RBCK1: variants seen among roughly 807,000 people sequenced by gnomAD.
The protein encoded by RBCK1 is RANBP2-type and C3HC4-type zinc finger containing 1, also known as ranBP-type and C3HC4-type zinc finger-containing protein 1.
A neutral mutation model predicts 71.1 loss-of-function variants in RBCK1; 44 were observed. The observed-to-expected ratio is 0.62, with a 90% CI of 0.49 to 0.80. The LOEUF (loss-of-function observed/expected upper bound fraction) is 0.80, where lower values mean the gene tolerates loss of function less well. Ranked by LOEUF, RBCK1 falls within the 30% of genes least tolerant of loss-of-function variation. The pLI is 0.00. For missense variants in RBCK1, 569 were observed against 685.0 expected (o/e 0.83, Z 1.89); for synonymous variants, 306 against 279.7 (o/e 1.09, Z -0.94).
chr20:431,202 AGTGTGTCAAGTC>A lies in RBCK1; in HGVS notation c.*773_*784del, dbSNP rs2017002382. On this transcript the variant is annotated 3_prime_UTR_variant, in exon 12 of 12. Transcript: ENST00000356286. This position sits in a 1 kb window ranked among gnomAD's most constrained non-coding sequence, Gnocchi z 4.8. ...GTCAGCCAGGACAGGTGGAGTGTGC[AGTGTGTCAAGTC>A]TGCAGAGAAGGATGGGCTTAGGGGC... Among the ~76,000 whole-genome samples the A allele has an allele frequency of 2.0e-5, 3 of 152,114 alleles. No individual in the cohort carries two copies. Among genetic ancestry groups the A allele is most frequent in the Non-Finnish European group, 4.4e-5 (3 of 68,012 alleles).
Position 428,143 on chromosome 20 carries a change from C to T in RBCK1, c.1210-348C>T, listed in dbSNP as rs1356609806. 6.6e-6 allele frequency among the ~76,000 whole-genome samples: 1 copy of T among 152,202 alleles called. No individual in the cohort carries two copies. Among genetic ancestry groups the T allele is most frequent in the East Asian group, 1.9e-4 (1 of 5,188 alleles). On this transcript the variant is annotated intron_variant, in intron 9 of 11. Transcript: ENST00000356286. The surrounding 1 kb of genome is among the most constrained non-coding windows in gnomAD (Gnocchi z 5.7). Reference sequence around the variant, plus strand: ...TCTGGGGTCATTGGGCCTGTAACCCCGGGCAGGCCCTTGTTAGGGATGCAG... The same window carrying T: ...TCTGGGGTCATTGGGCCTGTAACCCTGGGCAGGCCCTTGTTAGGGATGCAG...
At chr20:412,737 T>C (rs1243468316) in intron 2 of RBCK1, among the ~76,000 whole-genome samples, 1 of 152,268 alleles carries the variant, frequency 6.6e-6, no homozygotes, top group Non-Finnish European at 1.5e-5. Context: ...TTCTGTGGAT[T>C]GTCTTCTCAC....
At chr20:421,341 G>C (rs899522652) in intron 7 of RBCK1, among the ~76,000 whole-genome samples, 5 of 152,122 alleles carry the variant, frequency 3.3e-5, no homozygotes, top group African/African-American at 7.2e-5. Flanking sequence ...GCCTCGCTGT[G>C]GGCATCTGCC....
At chr20:426,289 A>G (rs2016709930) in intron 8 of RBCK1, among the ~76,000 whole-genome samples, 1 of 150,852 alleles carries the variant, frequency 6.6e-6, no homozygotes, top group Non-Finnish European at 1.5e-5. Flanking sequence ...TGTGCTATCA[A>G]ATACTAGGTC....
chr20:430,502 T>G lies in RBCK1; in HGVS notation c.*72T>G. ...TCTGTTAGAATGTAGCTCAGGGAGCTTCGTGGACGGCCTTGCTTGCTGTAG... is the reference window on the plus strand; with the variant it reads ...TCTGTTAGAATGTAGCTCAGGGAGCGTCGTGGACGGCCTTGCTTGCTGTAG... On this transcript the variant is annotated 3_prime_UTR_variant, in exon 12 of 12. Transcript: ENST00000356286. The surrounding 1 kb of genome is among the most constrained non-coding windows in gnomAD (Gnocchi z 5.6). 1 of 1,479,256 alleles carries G rather than the reference T, an allele frequency of 6.8e-7. No homozygotes were observed. The highest frequency in any genetic ancestry group is 9.4e-7 in the Non-Finnish European group (1 of 1,061,052). 91.6% of individuals were successfully genotyped at this position (1,479,256 alleles called of 1,614,324 possible).
chr20:430,272 C>T lies in RBCK1; in HGVS notation c.1453-78C>T, dbSNP rs761973251. On this transcript the variant is annotated intron_variant, in intron 11 of 11. Transcript: ENST00000356286. The surrounding 1 kb of genome is among the most constrained non-coding windows in gnomAD (Gnocchi z 5.6). ...AGGAGGACCTGCAGAGGCAAAGGCC[C>T]GGGGTGGGAGAGCGCTCGGCTGTGG... 9.0e-6 allele frequency: 12 copies of T among 1,328,244 alleles called. No individual in the cohort carries two copies. Among genetic ancestry groups the T allele is most frequent in the Admixed American group, 5.2e-5 (3 of 58,184 alleles). The allele number at this position is 1,328,244 out of a possible 1,614,324, so 82.3% of individuals were successfully genotyped here.
chr20:413,917 C>CAA (rs10706664), intron 2 of RBCK1, among the ~76,000 whole-genome samples: 2,672 of 114,560 alleles, frequency 0.023, 34 homozygotes, highest in African/African-American at 0.038. Flanking sequence ...GACAAATCAC[C>CAA]AAAAAAAAAA....
Position 422,778 on chromosome 20 carries a change from G to T in RBCK1, c.1029+540G>T, listed in dbSNP as rs143762157. On this transcript the variant is annotated intron_variant, in intron 8 of 11. Coordinates refer to ENST00000356286, the MANE Select transcript of RBCK1 (RefSeq NM_031229.4). This position sits in a 1 kb window ranked among gnomAD's most constrained non-coding sequence, Gnocchi z 5.0. ...AGCCTAGGAAGTAAGGTTGCAGTGA[G>T]CTGTGATTGTGCCACTGCACTCCAG... 6.6e-6 allele frequency among the ~76,000 whole-genome samples: 1 copy of T among 152,116 alleles called. No homozygotes were observed. The highest frequency in any genetic ancestry group is 1.5e-5 in the Non-Finnish European group (1 of 68,022).
rs200793606 is a variant in RBCK1, at chr20:428,602, C to T, written c.1308+13C>T. 3 of 1,601,490 alleles carry T rather than the reference C, an allele frequency of 1.9e-6. No individual in the cohort carries two copies. The highest frequency in any genetic ancestry group is 1.3e-5 in the African/African-American group (1 of 74,726). On this transcript the variant is annotated intron_variant, in intron 10 of 11. Coordinates refer to ENST00000356286, the MANE Select transcript of RBCK1 (RefSeq NM_031229.4). This position sits in a 1 kb window ranked among gnomAD's most constrained non-coding sequence, Gnocchi z 5.7. ...AGAGATGCTGAAGGTGAGGCTGGGA[C>T]AGGGCCGAGGCCTAGGGATTTTAAG... is the stretch of plus-strand genomic sequence containing the variant.
intron 2 of RBCK1, among the ~76,000 whole-genome samples, chr20:413,347 A>G (rs2015811026): frequency 6.6e-6 from 1 of 151,696 alleles, no homozygotes; most frequent in Non-Finnish European, 1.5e-5. Context: ...TTTGGTAGGG[A>G]TTTCATTGAA....
At position 408,863 on chromosome 20, in the gene RBCK1, C is replaced by A; in HGVS notation, c.22+84C>A. Reference sequence around the variant, plus strand: ...CTGGCCTTGCCCCTGGCCAGAAGGGCCTTGGAGAGGGGGCTTTAGCCTGCC... The same window carrying A: ...CTGGCCTTGCCCCTGGCCAGAAGGGACTTGGAGAGGGGGCTTTAGCCTGCC... On this transcript the variant is annotated intron_variant, in intron 1 of 11. Coordinates refer to ENST00000356286, the MANE Select transcript of RBCK1 (RefSeq NM_031229.4). 1.3e-6 allele frequency: 2 copies of A among 1,503,078 alleles called. 1 individual carries two copies. The allele number at this position is 1,503,078 out of a possible 1,614,324, so 93.1% of individuals were successfully genotyped here.
chr20:413,113 G>C (rs2015797835), intron 2 of RBCK1, among the ~76,000 whole-genome samples: 1 of 151,982 alleles, frequency 6.6e-6, no homozygotes. Flanking sequence ...CTTATTTCTG[G>C]ACTCTCATTT....
In RBCK1 at chr20:425,330, AACTTT is replaced by A; in HGVS notation, c.1030-1978_1030-1974del. On this transcript the variant is annotated intron_variant, in intron 8 of 11. Transcript: ENST00000356286. ...CCAGCCAGATATGATTTTTTAAGTC[AACTTT>A]ACTTAAGTATACTTTGCACACAATA... is the stretch of plus-strand genomic sequence containing the variant. 1.3e-5 allele frequency among the ~76,000 whole-genome samples: 2 copies of A among 152,282 alleles called. 1 individual carries two copies. Among genetic ancestry groups the A allele is most frequent in the South Asian group, 4.1e-4 (2 of 4,832 alleles).
In RBCK1 at chr20:417,871, G is replaced by A. The variant is rs139191851; in HGVS notation, c.401G>A (p.Arg134His). Residue 134 changes from arginine to histidine, a missense_variant, in exon 4 of 12, where the codon CGC (arginine) becomes CAC (histidine). Coordinates refer to ENST00000356286, the MANE Select transcript of RBCK1 (RefSeq NM_031229.4). This position sits in a 1 kb window ranked among gnomAD's most constrained non-coding sequence, Gnocchi z 4.7. The part of the protein sequence containing the change: ...DSAYLYLLSA[R>H]NTSLNPQELQ... ...GCCTACCTCTATCTGCTGTCAGCCC[G>A]CAACACCTCCCTCAACCCTCAGGAG... 25 of 1,613,114 alleles carry A rather than the reference G, an allele frequency of 1.5e-5. No homozygotes were observed. Among genetic ancestry groups the A allele is most frequent in the African/African-American group, 2.7e-5 (2 of 74,920 alleles).
chr20:417,989 C>G lies in RBCK1; in HGVS notation c.460+59C>G. 3 of 1,521,392 alleles carry G rather than the reference C, an allele frequency of 2.0e-6. No homozygotes were observed. The highest frequency in any genetic ancestry group is 3.9e-4 in the Middle Eastern group (2 of 5,072). 94.2% of individuals were successfully genotyped at this position (1,521,392 alleles called of 1,614,324 possible). On this transcript the variant is annotated intron_variant, in intron 4 of 11. Coordinates refer to ENST00000356286, the MANE Select transcript of RBCK1 (RefSeq NM_031229.4). This position sits in a 1 kb window ranked among gnomAD's most constrained non-coding sequence, Gnocchi z 4.7. ...CGGGGGCCCTGGACTCACTTGAGGGCATAGGGCAAGCAGGGGCAGAGCCCC... is the reference window on the plus strand; with the variant it reads ...CGGGGGCCCTGGACTCACTTGAGGGGATAGGGCAAGCAGGGGCAGAGCCCC...
chr20:408,862 G>A lies in RBCK1; in HGVS notation c.22+83G>A. The A allele has an allele frequency of 2.0e-6, 3 of 1,504,976 alleles. 1 individual carries two copies. The highest frequency in any genetic ancestry group is 9.0e-7 in the Non-Finnish European group (1 of 1,108,782). 93.2% of individuals were successfully genotyped at this position (1,504,976 alleles called of 1,614,324 possible). A position where few individuals can be genotyped will look rare whatever the true frequency, so the allele number is the denominator to read the frequency against. ...CCTGGCCTTGCCCCTGGCCAGAAGGGCCTTGGAGAGGGGGCTTTAGCCTGC... is the reference window on the plus strand; with the variant it reads ...CCTGGCCTTGCCCCTGGCCAGAAGGACCTTGGAGAGGGGGCTTTAGCCTGC... On this transcript the variant is annotated intron_variant, in intron 1 of 11. Transcript: ENST00000356286.
intron 8 of RBCK1, among the ~76,000 whole-genome samples, chr20:424,713 G>A (rs1204295936): frequency 6.6e-6 from 1 of 152,180 alleles, no homozygotes; most frequent in African/African-American, 2.4e-5. Context: ...AGGTTTCCCT[G>A]TGGAGTCCAC....
In RBCK1 at chr20:432,068, G is replaced by A. The variant is rs371763817; in HGVS notation, c.*1638G>A. On this transcript the variant is annotated 3_prime_UTR_variant, in exon 12 of 12. Transcript: ENST00000356286. The surrounding 1 kb of genome is among the most constrained non-coding windows in gnomAD (Gnocchi z 4.3). ...CAGTGTTGTTTTAGAAATTTAAATCGGTTGCCCATCTTTTTAAATTGGCAA... is the reference window on the plus strand; with the variant it reads ...CAGTGTTGTTTTAGAAATTTAAATCAGTTGCCCATCTTTTTAAATTGGCAA... Among the ~76,000 whole-genome samples the A allele has an allele frequency of 2.8e-4, 42 of 152,130 alleles. No homozygotes were observed. The highest frequency in any genetic ancestry group is 9.4e-4 in the African/African-American group (39 of 41,420).
chr20:430,520 T>C lies in RBCK1; in HGVS notation c.*90T>C. On this transcript the variant is annotated 3_prime_UTR_variant, in exon 12 of 12. Coordinates refer to ENST00000356286, the MANE Select transcript of RBCK1 (RefSeq NM_031229.4). This position sits in a 1 kb window ranked among gnomAD's most constrained non-coding sequence, Gnocchi z 5.6. ...AGGGAGCTTCGTGGACGGCCTTGCT[T>C]GCTGTAGCGTTGTAGGGGCCCTGCC... 2.2e-6 allele frequency: 3 copies of C among 1,345,554 alleles called. No individual in the cohort carries two copies. Among genetic ancestry groups the C allele is most frequent in the Non-Finnish European group, 3.2e-6 (3 of 949,020 alleles). The allele number at this position is 1,345,554 out of a possible 1,614,324, so 83.4% of individuals were successfully genotyped here. A position where few individuals can be genotyped will look rare whatever the true frequency, so the allele number is the denominator to read the frequency against.
Sources: gnomAD v4.1 joint callset for allele counts (sites outside exome capture counted in the v4.1 genomes callset) on GRCh38, gnomAD v4.1.1 for gene constraint, Gnocchi (gnomAD v3.1) non-coding constraint, MANE v1.5 for transcripts, NCBI Gene and HGNC (gene_info 2026-07-23, HGNC 2026-07-21) for gene names.